The following HMCN2 variants were observed in gnomAD, a reference collection of about 807,000 sequenced individuals.
HMCN2 encodes the protein hemicentin-2.
A neutral mutation model predicts 377.5 loss-of-function variants in HMCN2; 325 were observed. The ratio of observed to expected loss-of-function variants is 0.86; its 90% CI spans 0.79 to 0.94. HMCN2 has a LOEUF of 0.94. HMCN2 is among the 40% of genes least tolerant of loss of function. The pLI is 0.00. For synonymous variants in HMCN2, 2,007 were observed against 2,046.8 expected (o/e 0.98, Z 0.53); for missense variants, 4,543 against 4,725.3 (o/e 0.96, Z 1.13).
chr9:130,329,200 G>A (rs1838295199), intron 22 of HMCN2, among the ~76,000 whole-genome samples: 1 of 152,172 alleles, frequency 6.6e-6, no homozygotes, highest in African/African-American at 2.4e-5. Context: ...CCACTGATCT[G>A]CTTTCAGCCT....
chr9:130,429,285 A>G, intron 93 of HMCN2: 2 of 485,862 alleles, frequency 4.1e-6, no homozygotes, highest in Non-Finnish European at 7.3e-6. Context: ...TTCCTTGCCC[A>G]AGGGCTAGAA....
chr9:130,413,175 G>GA (rs773451051), intron 85 of HMCN2, among the ~76,000 whole-genome samples: 1 of 152,174 alleles, frequency 6.6e-6, no homozygotes, highest in Non-Finnish European at 1.5e-5. Context: ...AGATACAGTT[G>GA]AATTGATATC....
intron 4 of HMCN2, among the ~76,000 whole-genome samples, chr9:130,292,988 AT>A (rs1554930558): frequency 5.5e-5 from 8 of 145,752 alleles, no homozygotes; most frequent in African/African-American, 2.0e-4. Flanking sequence ...CTATCTATCT[AT>A]CTATCTATCT....
At chr9:130,358,578 G>A in intron 36 of HMCN2, 92 bp downstream of exon 36, 1 of 1,211,198 alleles carries the variant, frequency 8.3e-7, no homozygotes, top group East Asian at 5.7e-5. Context: ...GAGGGAGGGG[G>A]AGGAGGTTTT....
chr9:130,375,957 A>T lies in HMCN2; in HGVS notation c.7886A>T (p.Glu2629Val), dbSNP rs1841354182. The change falls in exon 51 of 98, where the codon GAG (glutamate) becomes GTG (valine). Residue 2629 changes from glutamate (E) to valine (V), a missense_variant. Physicochemically the swap from Glu to Val is moderately radical, Grantham distance 121. Around this residue, in one of 5 missense-constraint regions of HMCN2, gnomAD observed 736 missense variants for 773.2 expected, o/e 0.95. Coordinates refer to ENST00000683500, the MANE Select transcript of HMCN2 (RefSeq NM_001291815.2). ...TGCGTGGTCACCAATGAGCTCGGGG[A>T]GGCCGTGAAAAACTACCATGTGGAA... ...YTCVVTNELG[E>V]AVKNYHVEVL... 1.0e-6 allele frequency: 1 copy of T among 985,670 alleles called. No individual in the cohort carries two copies. 61.1% of individuals were successfully genotyped at this position (985,670 alleles called of 1,614,324 possible).
chr9:130,412,856 G>T (rs11244236), intron 85 of HMCN2, among the ~76,000 whole-genome samples: 59,031 of 152,064 alleles, frequency 0.39, 11,920 homozygotes, highest in Middle Eastern at 0.52. Context: ...ATTACAGGCA[G>T]GAGCCACTGG....
chr9:130,320,327 G>A (rs1338914956), intron 16 of HMCN2, 29 bp from the exon 17 acceptor site: 1 of 152,320 alleles, frequency 6.6e-6, no homozygotes, highest in Non-Finnish European at 1.5e-5. Context: ...TGCCTTGGCA[G>A]TCACACCTGC....
chr9:130,290,576 T>G (rs1368492966), intron 4 of HMCN2, among the ~76,000 whole-genome samples: 1 of 151,942 alleles, frequency 6.6e-6, no homozygotes, highest in Admixed American at 6.5e-5. Context: ...GTTGGAGGAG[T>G]TGCCTCACAT....
At chr9:130,371,418 A>AT (rs1267479103) in intron 46 of HMCN2, among the ~76,000 whole-genome samples, 1 of 151,916 alleles carries the variant, frequency 6.6e-6, no homozygotes, top group African/African-American at 2.4e-5. Context: ...CCTGCAGAAA[A>AT]AAAAAAAACA....
intron 22 of HMCN2, among the ~76,000 whole-genome samples, chr9:130,337,437 G>A (rs1838813151): frequency 6.6e-6 from 1 of 152,132 alleles, no homozygotes; most frequent in African/African-American, 2.4e-5. Context: ...AGGTGTGTGT[G>A]GCAGAGGAGG....
intron 66 of HMCN2, among the ~76,000 whole-genome samples, chr9:130,392,782 G>A (rs971319273): frequency 6.6e-6 from 1 of 152,158 alleles, no homozygotes; most frequent in African/African-American, 2.4e-5. Flanking sequence ...AGATTACAAG[G>A]TCAGGAGATC....
At chr9:130,314,782 T>C (rs933856211) in intron 15 of HMCN2, among the ~76,000 whole-genome samples, 4 of 152,130 alleles carry the variant, frequency 2.6e-5, no homozygotes, top group Admixed American at 6.5e-5. Context: ...GTGTGGACTC[T>C]CCAGGCAGTG....
intron 75 of HMCN2, 53 bp downstream of exon 75, chr9:130,398,760 ACT>A: frequency 8.0e-7 from 1 of 1,249,932 alleles, no homozygotes; most frequent in Admixed American, 2.4e-5. Flanking sequence ...GCGGGGAGGC[ACT>A]CTCTTCTCAC....
chr9:130,302,046 G>T (rs1554934582), intron 8 of HMCN2, among the ~76,000 whole-genome samples: 1 of 99,922 alleles, frequency 1.0e-5, no homozygotes, highest in Non-Finnish European at 1.9e-5. Context: ...TCCTCTAGCT[G>T]TGCTTTTTTT....
chr9:130,415,872 C>CTT (rs1843658351), intron 85 of HMCN2, among the ~76,000 whole-genome samples: 1 of 152,174 alleles, frequency 6.6e-6, no homozygotes, highest in Admixed American at 6.5e-5. Context: ...AGCCATTTCC[C>CTT]TTTTGGCTCC....
chr9:130,377,037 C>T (rs767839372), intron 52 of HMCN2, among the ~76,000 whole-genome samples: 2 of 152,100 alleles, frequency 1.3e-5, no homozygotes, highest in Non-Finnish European at 2.9e-5. Context: ...GACCTCAGGT[C>T]ATCTGCCCGC....
chr9:130,337,000 G>A (rs1364215774), intron 22 of HMCN2, among the ~76,000 whole-genome samples: 1 of 152,198 alleles, frequency 6.6e-6, no homozygotes, highest in Non-Finnish European at 1.5e-5. Context: ...GCCAGTGAGC[G>A]CAGGGCCAGC....
intron 22 of HMCN2, among the ~76,000 whole-genome samples, chr9:130,331,300 C>T (rs1838415854): frequency 1.3e-5 from 2 of 152,220 alleles, no homozygotes; most frequent in Non-Finnish European, 2.9e-5. Context: ...CACAATGTTC[C>T]TCTTTATCTC....
intron 41 of HMCN2, among the ~76,000 whole-genome samples, chr9:130,365,230 T>A (rs1203599203): frequency 6.6e-6 from 1 of 152,254 alleles, no homozygotes; most frequent in Non-Finnish European, 1.5e-5. Flanking sequence ...CATGTCAGGA[T>A]CTGAGCCCTG....
Sources: allele counts gnomAD v4.1 joint callset (sites outside exome capture counted in the v4.1 genomes callset), GRCh38; gene constraint gnomAD v4.1.1; regional missense constraint gnomAD v4.1.1; transcripts MANE v1.5; gene names NCBI Gene and HGNC (gene_info 2026-07-23, HGNC 2026-07-21).